FOXO3: variants seen among roughly 807,000 people sequenced by gnomAD.
FOXO3 encodes the protein forkhead box O3.
A neutral mutation model predicts 41.9 loss-of-function variants in FOXO3; 4 were observed. The observed-to-expected ratio is 0.10, with a 90% CI of 0.05 to 0.22. The LOEUF is 0.22. FOXO3 is among the 10% of genes least tolerant of loss of function. The pLI, the probability that FOXO3 is intolerant of heterozygous loss-of-function variation, is 1.00. For missense variants in FOXO3, 534 were observed against 906.8 expected, an observed-to-expected ratio of 0.59 and a Z score of 5.28; for synonymous variants, 318 against 389.3, an observed-to-expected ratio of 0.82 and a Z score of 2.16.
intron 1 of FOXO3, among the ~76,000 whole-genome samples, chr6:108,624,609 C>G (rs1440499886): frequency 6.6e-6 from 1 of 151,988 alleles, no homozygotes; most frequent in African/African-American, 2.4e-5. Context: ...AGGAAATAAT[C>G]CAAATATAAA....
At chr6:108,672,185 G>C (rs1421333705) in intron 2 of FOXO3, among the ~76,000 whole-genome samples, 5 of 152,354 alleles carry the variant, frequency 3.3e-5, no homozygotes, top group Admixed American at 3.3e-4. Context: ...AGCCATTGCA[G>C]TCCCTCTTAG....
At chr6:108,638,743 G>C (rs956746545) in intron 1 of FOXO3, among the ~76,000 whole-genome samples, 3 of 152,120 alleles carry the variant, frequency 2.0e-5, no homozygotes, top group African/African-American at 7.2e-5. Flanking sequence ...TTTTCTGTTC[G>C]TATTGTGTAG....
At chr6:108,678,888 T>C (rs1770729939) in intron 2 of FOXO3, among the ~76,000 whole-genome samples, 1 of 131,446 alleles carries the variant, frequency 7.6e-6, no homozygotes, top group African/African-American at 2.6e-5. Context: ...TTTTTTTTTT[T>C]TTTGAGACGG....
At chr6:108,671,881 A>G (rs1362302734) in intron 2 of FOXO3, among the ~76,000 whole-genome samples, 2 of 152,230 alleles carry the variant, frequency 1.3e-5, no homozygotes, top group African/African-American at 4.8e-5. Flanking sequence ...AACGAAACTA[A>G]TGCTACAAAT....
intron 1 of FOXO3, chr6:108,618,016 A>G: frequency 1.5e-6 from 1 of 651,388 alleles, no homozygotes; most frequent in South Asian, 1.5e-5. Context: ...GACACCTCCC[A>G]TCTGCTGTTG....
chr6:108,677,126 C>T (rs944849967), intron 2 of FOXO3, among the ~76,000 whole-genome samples: 2 of 152,240 alleles, frequency 1.3e-5, no homozygotes, highest in Admixed American at 6.5e-5. Flanking sequence ...CTGAGCAGGC[C>T]TCCCTGGGAG....
intron 1 of FOXO3, among the ~76,000 whole-genome samples, chr6:108,637,721 C>T (rs1778155057): frequency 6.6e-6 from 1 of 152,032 alleles, no homozygotes; most frequent in South Asian, 2.1e-4. Flanking sequence ...CCTGGCTTTG[C>T]CTCTTCCCCC....
chr6:108,622,872 G>A (rs746253624), intron 1 of FOXO3, among the ~76,000 whole-genome samples: 53 of 150,202 alleles, frequency 3.5e-4, no homozygotes, highest in Admixed American at 3.3e-4. Context: ...TGTGGCTCTC[G>A]TTCAGGCATT....
At chr6:108,580,977 A>G (rs10499051) in intron 1 of FOXO3, among the ~76,000 whole-genome samples, 19,645 of 152,188 alleles carry the variant, frequency 0.13, 1,477 homozygotes, top group South Asian at 0.27. Flanking sequence ...CTCATCTTTC[A>G]CAGATTCAGA....
chr6:108,678,677 G>A (rs1027169132), intron 2 of FOXO3, among the ~76,000 whole-genome samples: 1 of 151,290 alleles, frequency 6.6e-6, no homozygotes, highest in African/African-American at 2.4e-5. Flanking sequence ...GTTTTATGGG[G>A]GATTTCTTGT....
intron 1 of FOXO3, among the ~76,000 whole-genome samples, chr6:108,614,229 G>A (rs1457130574): frequency 6.6e-6 from 1 of 152,072 alleles, no homozygotes; most frequent in Non-Finnish European, 1.5e-5. Context: ...AGTTAGTCAA[G>A]TTCATTTTCT....
intron 1 of FOXO3, among the ~76,000 whole-genome samples, chr6:108,570,085 C>T (rs546568483): frequency 5.6e-5 from 8 of 141,782 alleles, no homozygotes; most frequent in South Asian, 2.3e-4. Flanking sequence ...CTGCAAGCTC[C>T]GCCTCCTGGG....
intron 2 of FOXO3, among the ~76,000 whole-genome samples, chr6:108,676,207 A>G (rs1357273181): frequency 6.6e-6 from 1 of 152,216 alleles, no homozygotes; most frequent in Non-Finnish European, 1.5e-5. Context: ...GTCTTCCCTT[A>G]TTAATGAAAG....
intron 1 of FOXO3, among the ~76,000 whole-genome samples, chr6:108,562,195 G>A (rs1775821314): frequency 6.6e-6 from 1 of 152,130 alleles, no homozygotes; most frequent in Admixed American, 6.5e-5. Context: ...GGGGTCTGGT[G>A]CGGGCGCTGT....
At chr6:108,623,486 C>T (rs1017464065) in intron 1 of FOXO3, among the ~76,000 whole-genome samples, 12 of 152,194 alleles carry the variant, frequency 7.9e-5, no homozygotes, top group African/African-American at 2.7e-4. Flanking sequence ...GACACTAGCT[C>T]AGCCCCATTG....
intron 1 of FOXO3, among the ~76,000 whole-genome samples, chr6:108,564,441 C>G (rs1171034896): frequency 6.6e-6 from 1 of 152,224 alleles, no homozygotes; most frequent in African/African-American, 2.4e-5. Context: ...TTAAACCACA[C>G]TACTTTCATT....
intron 1 of FOXO3, chr6:108,617,918 A>T (rs1286055057): frequency 2.3e-6 from 1 of 426,718 alleles, no homozygotes; most frequent in Non-Finnish European, 4.4e-6. Context: ...GATGTATTGG[A>T]ACCAAATTGC....
At chr6:108,679,020 C>A (rs529113940) in intron 2 of FOXO3, among the ~76,000 whole-genome samples, 1 of 151,780 alleles carries the variant, frequency 6.6e-6, no homozygotes, top group Non-Finnish European at 1.5e-5. Flanking sequence ...TACAGGTGCC[C>A]GCCACCGCGC....
chr6:108,574,365 T>C lies in FOXO3; in HGVS notation c.621+12536T>C, dbSNP rs536262073. Among the ~76,000 whole-genome samples, 206 of 152,240 alleles carry C rather than the reference T, an allele frequency of 1.4e-3. 2 individuals carry two copies. Among genetic ancestry groups the C allele is most frequent in the African/African-American group, 4.6e-3 (192 of 41,548 alleles). On this transcript the variant is annotated intron_variant, in intron 1 of 2. Coordinates refer to ENST00000406360, the MANE Select transcript of FOXO3 (RefSeq NM_001455.4). ...TGACGCATGGTAGGTAGAAATCTTT[T>C]GGGATGGGGCCTTATCGCAGAAATT... is the stretch of plus-strand genomic sequence containing the variant.
Sources: allele counts gnomAD v4.1 joint callset (sites outside exome capture counted in the v4.1 genomes callset), GRCh38; gene constraint gnomAD v4.1.1; transcripts MANE v1.5; gene names NCBI Gene and HGNC (gene_info 2026-07-23, HGNC 2026-07-21).